CHN2: variants seen among roughly 807,000 people sequenced by gnomAD.
The protein encoded by CHN2 is chimerin 2, also known as beta-chimaerin.
Under a neutral mutation model 56.3 loss-of-function variants are expected in CHN2, and 35 were observed. That is an observed-to-expected ratio of 0.62 (90% confidence interval 0.47 to 0.82). The LOEUF (loss-of-function observed/expected upper bound fraction) is 0.82. Among genes scored for constraint, CHN2 ranks in the 40% least tolerant of loss-of-function variants. CHN2 has a pLI of 0.00. For synonymous variants in CHN2, 210 were observed against 212.8 expected, an observed-to-expected ratio of 0.99 and a Z score of 0.12; for missense variants, 491 against 580.5, an observed-to-expected ratio of 0.85 and a Z score of 1.58.
chr7:29,439,855 G>A (rs1783502873), intron 6 of CHN2, among the ~76,000 whole-genome samples: 1 of 152,158 alleles, frequency 6.6e-6, no homozygotes, highest in Non-Finnish European at 1.5e-5. Flanking sequence ...GTATTTCCAT[G>A]CACATTATCT....
chr7:29,169,891 T>TAC (rs1796387231), intron 2 of CHN2, among the ~76,000 whole-genome samples: 3 of 151,938 alleles, frequency 2.0e-5, no homozygotes, highest in African/African-American at 7.3e-5. Context: ...TATATATATA[T>TAC]GTATATACAG....
intron 1 of CHN2, among the ~76,000 whole-genome samples, chr7:29,350,675 G>T (rs903172483): frequency 1.3e-5 from 2 of 152,188 alleles, no homozygotes; most frequent in Admixed American, 1.3e-4. Flanking sequence ...GAAGACAACA[G>T]CACGGGCTCA....
At chr7:29,261,496 A>T (rs1050605401) in intron 1 of CHN2, among the ~76,000 whole-genome samples, 2 of 133,618 alleles carry the variant, frequency 1.5e-5, no homozygotes, top group Admixed American at 8.1e-5. Flanking sequence ...AAGGACCACA[A>T]GTATTTCTCT....
intron 1 of CHN2, among the ~76,000 whole-genome samples, chr7:29,290,371 A>G (rs1278306968): frequency 6.6e-6 from 1 of 152,224 alleles, no homozygotes; most frequent in African/African-American, 2.4e-5. Flanking sequence ...TTCTGTGGAT[A>G]GCGAATCTCT....
chr7:29,454,522 A>G (rs1040310781), intron 6 of CHN2, among the ~76,000 whole-genome samples: 6 of 152,200 alleles, frequency 3.9e-5, no homozygotes, highest in African/African-American at 1.4e-4. Flanking sequence ...TGAGTGTCCC[A>G]GTGAGGATGG....
intron 6 of CHN2, among the ~76,000 whole-genome samples, chr7:29,418,688 C>T (rs2128103903): frequency 6.6e-6 from 1 of 152,288 alleles, no homozygotes; most frequent in South Asian, 2.1e-4. Context: ...AGGGGCTAAG[C>T]TCACTAAGAT....
chr7:29,170,941 A>G (rs1010689464), intron 2 of CHN2, among the ~76,000 whole-genome samples: 4 of 152,198 alleles, frequency 2.6e-5, no homozygotes, highest in African/African-American at 9.7e-5. Flanking sequence ...AACATGGGAA[A>G]GACCTGCCCC....
At position 29,378,640 on chromosome 7, in the gene CHN2, C is replaced by T. The variant is rs115220560; in HGVS notation, c.144+10653C>T. Among the ~76,000 whole-genome samples the T allele has an allele frequency of 5.0e-3, 759 of 152,248 alleles. 4 individuals carry two copies. Among genetic ancestry groups the T allele is most frequent in the African/African-American group, 0.017 (693 of 41,550 alleles). On this transcript the variant is annotated intron_variant, in intron 3 of 12. Transcript: ENST00000222792. ...TAGCCCTTGCTAGAAAAAAGTTTGC[C>T]GACCCCTGGTCTTACACTAAAAGTA...
At chr7:29,402,791 G>T (rs1802320833) in intron 6 of CHN2, among the ~76,000 whole-genome samples, 1 of 152,106 alleles carries the variant, frequency 6.6e-6, no homozygotes, top group Admixed American at 6.5e-5. Flanking sequence ...GGGAAGTTTG[G>T]TCAACAGAAA....
At chr7:29,156,014 A>G (rs1794321055) in intron 2 of CHN2, among the ~76,000 whole-genome samples, 1 of 152,208 alleles carries the variant, frequency 6.6e-6, no homozygotes, top group African/African-American at 2.4e-5. Flanking sequence ...TTTACATTTA[A>G]TATTGGTTTT....
chr7:29,179,956 A>G (rs964335201), intron 2 of CHN2, among the ~76,000 whole-genome samples: 3 of 152,182 alleles, frequency 2.0e-5, no homozygotes, highest in African/African-American at 7.2e-5. Context: ...CATTCTATTG[A>G]TCTTTTGCTA....
At chr7:29,227,948 T>C (rs1408070755) in intron 1 of CHN2, among the ~76,000 whole-genome samples, 2 of 152,096 alleles carry the variant, frequency 1.3e-5, no homozygotes, top group African/African-American at 2.4e-5. Flanking sequence ...TTGAAAAATC[T>C]TCCTTCATTC....
At chr7:29,488,897 T>C (rs891430182) in intron 7 of CHN2, among the ~76,000 whole-genome samples, 3 of 152,316 alleles carry the variant, frequency 2.0e-5, no homozygotes, top group Non-Finnish European at 4.4e-5. Flanking sequence ...TGATGTATAC[T>C]GGTAAGAAAA....
intron 3 of CHN2, among the ~76,000 whole-genome samples, chr7:29,382,961 G>A (rs1800633869): frequency 6.6e-6 from 1 of 152,130 alleles, no homozygotes; most frequent in African/African-American, 2.4e-5. Context: ...GGATGTCGTG[G>A]GGCAAGAGCA....
At chr7:29,472,885 A>C (rs947261504) in intron 6 of CHN2, among the ~76,000 whole-genome samples, 4 of 152,222 alleles carry the variant, frequency 2.6e-5, no homozygotes, top group African/African-American at 9.6e-5. Flanking sequence ...CAGCACCCCC[A>C]GTCTGCCACA....
intron 2 of CHN2, among the ~76,000 whole-genome samples, chr7:29,358,609 C>T (rs1798500789): frequency 1.3e-5 from 2 of 151,984 alleles, no homozygotes; most frequent in Non-Finnish European, 2.9e-5. Flanking sequence ...ACTACAGGCA[C>T]CCGCCACTGC....
intron 1 of CHN2, among the ~76,000 whole-genome samples, chr7:29,288,702 A>G (rs970808449): frequency 3.3e-5 from 5 of 152,218 alleles, no homozygotes; most frequent in African/African-American, 1.2e-4. Flanking sequence ...ACAAATAGTA[A>G]ACTAGAGACA....
intron 1 of CHN2, among the ~76,000 whole-genome samples, chr7:29,218,473 A>G (rs1046803275): frequency 3.3e-5 from 5 of 152,124 alleles, no homozygotes; most frequent in Non-Finnish European, 7.4e-5. Context: ...AAAAGATTAT[A>G]AATCATGCTG....
chr7:29,411,647 C>T (rs1803226093), intron 6 of CHN2, among the ~76,000 whole-genome samples: 1 of 152,164 alleles, frequency 6.6e-6, no homozygotes, highest in South Asian at 2.1e-4. Context: ...CCGTGAGTTC[C>T]AGGAGCCAGG....
Sources: allele counts gnomAD v4.1 joint callset (sites outside exome capture counted in the v4.1 genomes callset), GRCh38; gene constraint gnomAD v4.1.1; transcripts MANE v1.5; gene names NCBI Gene and HGNC (gene_info 2026-07-23, HGNC 2026-07-21).